SP2: variants seen among roughly 807,000 people sequenced by gnomAD.
The protein encoded by SP2 is Sp2 transcription factor.
A neutral mutation model predicts 50.1 loss-of-function variants in SP2; 9 were observed. That is an observed-to-expected ratio of 0.18 (90% confidence interval 0.11 to 0.31). The LOEUF is 0.31. Among genes scored for constraint, SP2 ranks in the 10% least tolerant of loss-of-function variants. SP2 has a pLI of 1.00. For synonymous variants in SP2, 313 were observed against 326.6 expected, an observed-to-expected ratio of 0.96 and a Z score of 0.45; for missense variants, 581 against 806.5, an observed-to-expected ratio of 0.72 and a Z score of 3.39.
intron 1 of SP2, among the ~76,000 whole-genome samples, chr17:47,914,404 G>T (rs532374286): frequency 4.6e-5 from 7 of 151,948 alleles, no homozygotes; most frequent in Non-Finnish European, 7.4e-5. Context: ...CCCATGTGCT[G>T]TATATGCTGC....
In SP2 at chr17:47,916,463, A is replaced by G; in HGVS notation, c.392A>G (p.Gln131Arg). The G allele has an allele frequency of 1.2e-6, 2 of 1,614,152 alleles. No homozygotes were observed. The highest frequency in any genetic ancestry group is 1.7e-6 in the Non-Finnish European group (2 of 1,180,038). The part of the protein sequence containing the change: ...NKGTRSNANI[Q>R]YQAVPQIQAS... ...GGGACCCGATCAAATGCCAATATCC[A>G]GTACCAGGCGGTCCCTCAGATTCAG... The change falls in exon 3 of 7, where the codon CAG (glutamine) becomes CGG (arginine). Residue 131 changes from glutamine to arginine, a missense_variant. This residue lies in a region of SP2 where 397 missense variants were observed against 491.0 expected (regional missense o/e 0.81). Coordinates refer to ENST00000376741, the MANE Select transcript of SP2 (RefSeq NM_003110.6). This position sits in a 1 kb window ranked among gnomAD's most constrained non-coding sequence, Gnocchi z 4.7.
At chr17:47,896,368 AG>A in intron 1 of SP2, 75 bp downstream of exon 1, 1 of 1,162,866 alleles carries the variant, frequency 8.6e-7, no homozygotes, top group Non-Finnish European at 1.1e-6. Flanking sequence ...CCGCGGGGAG[AG>A]GGAGCCGAGG....
At chr17:47,915,453 C>G (rs1198904092) in intron 2 of SP2, 65 bp downstream of exon 2, 1 of 1,033,518 alleles carries the variant, frequency 9.7e-7, no homozygotes, top group Admixed American at 2.1e-5. Flanking sequence ...ACCGAAAACA[C>G]TCTCTCTTCA....
At chr17:47,922,564 G>A (rs1378640467) in intron 3 of SP2, among the ~76,000 whole-genome samples, 2 of 150,854 alleles carry the variant, frequency 1.3e-5, no homozygotes, top group African/African-American at 4.9e-5. Context: ...TGTCACCCAG[G>A]CTAAGTGCAG....
chr17:47,913,488 A>T (rs927122782), intron 1 of SP2, among the ~76,000 whole-genome samples: 1 of 152,112 alleles, frequency 6.6e-6, no homozygotes, highest in East Asian at 1.9e-4. Context: ...TCTTTTCCTT[A>T]GTGATTTATG....
Position 47,923,209 on chromosome 17 carries a change from T to C in SP2, c.1307T>C (p.Met436Thr), listed in dbSNP as rs750317588. ...CAGTTGGCGGCAGCTGCCCAGGCAATGCAGACCATCAACATCAATGGTGTC... is the reference window on the plus strand; with the variant it reads ...CAGTTGGCGGCAGCTGCCCAGGCAACGCAGACCATCAACATCAATGGTGTC... ...AAQLAAAAQA[M>T]QTININGVQV... is the part of the protein sequence containing the mutation. The change falls in exon 4 of 7, where the codon ATG becomes ACG. Residue 436 changes from methionine to threonine, a missense_variant. Met to Thr is a moderately conservative substitution (Grantham distance 81). Transcript: ENST00000376741. 11 of 1,613,054 alleles carry C rather than the reference T, an allele frequency of 6.8e-6. No homozygotes were observed. The highest frequency in any genetic ancestry group is 1.7e-6 in the Non-Finnish European group (2 of 1,180,038).
intron 1 of SP2, among the ~76,000 whole-genome samples, chr17:47,912,393 G>A (rs950673206): frequency 2.0e-5 from 3 of 151,422 alleles, no homozygotes; most frequent in Admixed American, 2.0e-4. Context: ...GCACTGGTGT[G>A]CTTTCTTACC....
At position 47,896,592 on chromosome 17, in the gene SP2, C is replaced by T. The variant is rs572403890; in HGVS notation, c.7+299C>T. ...CGAGAGGAGCGGGCACCGGGGTGGC[C>T]TGGCACCCCTCGGACGGGTGCCGAC... On this transcript the variant is annotated intron_variant, in intron 1 of 6. Coordinates refer to ENST00000376741, the MANE Select transcript of SP2 (RefSeq NM_003110.6). Among the ~76,000 whole-genome samples the T allele has an allele frequency of 6.4e-4, 97 of 152,320 alleles. 2 individuals are homozygous for T. In the East Asian group the frequency reaches 0.016, roughly 26 times the overall value.
chr17:47,917,120 C>T lies in SP2; in HGVS notation c.1049C>T (p.Thr350Ile). Residue 350 changes from threonine (T) to isoleucine (I), a missense_variant, in exon 3 of 7, where the codon ACA (threonine) becomes ATA (isoleucine). Thr to Ile is a moderately conservative substitution (Grantham distance 89). Transcript: ENST00000376741. ...QNFQIQAAEP[T>I]PTQVYIRTPS... Reference sequence around the variant, plus strand: ...TTTCAGATCCAGGCAGCTGAGCCGACACCTACTCAGGTACCACACTCCCTG... The same window carrying T: ...TTTCAGATCCAGGCAGCTGAGCCGATACCTACTCAGGTACCACACTCCCTG... 6.2e-7 allele frequency: 1 copy of T among 1,608,328 alleles called. No individual in the cohort carries two copies. The highest frequency in any genetic ancestry group is 8.5e-7 in the Non-Finnish European group (1 of 1,177,224).
downstream of SP2, among the ~76,000 whole-genome samples, chr17:47,931,629 AG>A (rs1293642640): frequency 2.0e-5 from 3 of 152,194 alleles, no homozygotes; most frequent in Non-Finnish European, 2.9e-5. Flanking sequence ...TGCCCCTTAA[AG>A]TTGCCACACC....
Position 47,928,045 on chromosome 17 carries a change from G to C in SP2, c.*221G>C, listed in dbSNP as rs918069299. 1.9e-6 allele frequency: 1 copy of C among 533,062 alleles called. No individual in the cohort carries two copies. The highest frequency in any genetic ancestry group is 1.9e-5 in the African/African-American group (1 of 52,216). 33.0% of individuals were successfully genotyped at this position (533,062 alleles called of 1,614,324 possible). On this transcript the variant is annotated 3_prime_UTR_variant, in exon 7 of 7. Coordinates refer to ENST00000376741, the MANE Select transcript of SP2 (RefSeq NM_003110.6). ...TCCCCTCACCACGAGCTCCCGGCCT[G>C]CCCAGACTGTGGACACTGGCCGTGC...
chr17:47,910,845 C>T (rs1403044784), intron 1 of SP2, among the ~76,000 whole-genome samples: 1 of 152,208 alleles, frequency 6.6e-6, no homozygotes, highest in Non-Finnish European at 1.5e-5. Flanking sequence ...ACACAGTGCA[C>T]TTGTAAACAC....
chr17:47,924,055 C>T (rs965257269), intron 4 of SP2, among the ~76,000 whole-genome samples: 1 of 152,040 alleles, frequency 6.6e-6, no homozygotes, highest in African/African-American at 2.4e-5. Context: ...CTTGAGGTGA[C>T]CCCCAAGAGG....
intron 3 of SP2, among the ~76,000 whole-genome samples, chr17:47,920,535 C>T (rs2035410350): frequency 6.6e-6 from 1 of 152,074 alleles, no homozygotes. Context: ...ATCCGCCCGC[C>T]TCAGCCTCCC....
Position 47,916,121 on chromosome 17 carries a change from C to G in SP2, c.85-35C>G. 6.4e-7 allele frequency: 1 copy of G among 1,566,720 alleles called. No individual in the cohort carries two copies. Among genetic ancestry groups the G allele is most frequent in the Non-Finnish European group, 8.7e-7 (1 of 1,155,516 alleles). ...AGAGGCGGCCGGGCAGCGGGCCTTC[C>G]TGTCTCACTCCTTTTCTCTGCTGTT... On this transcript the variant is annotated intron_variant, in intron 2 of 6. Coordinates refer to ENST00000376741, the MANE Select transcript of SP2 (RefSeq NM_003110.6). The surrounding 1 kb of genome is among the most constrained non-coding windows in gnomAD (Gnocchi z 4.7).
Position 47,916,686 on chromosome 17 carries a change from T to TG in SP2, c.620dup (p.Gly208ArgfsTer17), listed in dbSNP as rs1240880096. 2 of 1,613,206 alleles carry TG rather than the reference T, an allele frequency of 1.2e-6. No homozygotes were observed. The highest frequency in any genetic ancestry group is 2.7e-5 in the African/African-American group (2 of 74,810). On this transcript the variant is annotated frameshift_variant, in exon 3 of 7. Coordinates refer to ENST00000376741, the MANE Select transcript of SP2 (RefSeq NM_003110.6). LOFTEE classifies it high-confidence loss of function. This position sits in a 1 kb window ranked among gnomAD's most constrained non-coding sequence, Gnocchi z 4.7. ...GGGCCAATGTGGTGAAGCTGACAGG[T>TG]GGGGGCGGCAATGTGACGCTCACTC... is the stretch of plus-strand genomic sequence containing the variant.
rs1488227130 is a variant in SP2 at position 47,916,952 on chromosome 17, A to G, written c.881A>G (p.Gln294Arg). The G allele has an allele frequency of 3.1e-6, 5 of 1,614,028 alleles. No individual in the cohort carries two copies. The highest frequency in any genetic ancestry group is 4.2e-6 in the Non-Finnish European group (5 of 1,180,032). The change falls in exon 3 of 7, where the codon CAG becomes CGG. Residue 294 changes from glutamine (Q) to arginine (R), a missense_variant. Around this residue, in one of 2 missense-constraint regions of SP2, gnomAD observed 397 missense variants for 491.0 expected, o/e 0.81. Transcript: ENST00000376741. The surrounding 1 kb of genome is among the most constrained non-coding windows in gnomAD (Gnocchi z 4.7). The part of the protein sequence containing the change: ...LLIVQSPGGG[Q>R]PAVVQQVQVV... ...ATTGTTCAGAGCCCTGGTGGGGGCCAGCCAGCTGTGGTCCAGCAGGTCCAG... is the reference window on the plus strand; with the variant it reads ...ATTGTTCAGAGCCCTGGTGGGGGCCGGCCAGCTGTGGTCCAGCAGGTCCAG...
At chr17:47,905,411 A>G (rs1168669542) in intron 1 of SP2, among the ~76,000 whole-genome samples, 4 of 152,236 alleles carry the variant, frequency 2.6e-5, no homozygotes, top group Non-Finnish European at 4.4e-5. Flanking sequence ...CAAAAAGCCA[A>G]GAAAGCCAGA....
intron 1 of SP2, among the ~76,000 whole-genome samples, chr17:47,905,120 A>G (rs753887209): frequency 1.7e-4 from 26 of 152,186 alleles, no homozygotes; most frequent in Admixed American, 5.9e-4. Flanking sequence ...TGAAATATTC[A>G]GCACAATTTG....
Sources: allele counts gnomAD v4.1 joint callset (sites outside exome capture counted in the v4.1 genomes callset), GRCh38; gene constraint gnomAD v4.1.1; regional missense constraint gnomAD v4.1.1; non-coding constraint Gnocchi (gnomAD v3.1); transcripts MANE v1.5; gene names NCBI Gene and HGNC (gene_info 2026-07-23, HGNC 2026-07-21).